Variants in TUBGCP4 observed in about 807,000 individuals in gnomAD.
TUBGCP4 encodes gamma-tubulin complex component 4.
In TUBGCP4, 54 loss-of-function variants were observed where a neutral mutation model predicts 91.6. The ratio of observed to expected loss-of-function variants is 0.59; its 90% CI spans 0.47 to 0.74. TUBGCP4 has a LOEUF of 0.74. TUBGCP4 is among the 30% of genes least tolerant of loss of function. The probability of loss-of-function intolerance (pLI) is 0.00; values close to 1 mark genes in which losing one functional copy is unlikely to be tolerated. For missense variants in TUBGCP4, 593 were observed against 800.9 expected (o/e 0.74, Z 3.13); for synonymous variants, 297 against 302.8 (o/e 0.98, Z 0.20).
In TUBGCP4 at chr15:43,371,384, C is replaced by T. The variant is rs1206945663; in HGVS notation, c.30C>T (p.Ser10=). The change falls in exon 1 of 18, where the codon AGC becomes AGT. Residue 10 remains serine (S), a synonymous_variant. Transcript: ENST00000564079. ...TCCACGAACTGCTCTTGGCTCTGAG[C>T]GGGTACCCTGGGTCCATTTTCACCT... MIHELLLAL[S]GYPGSIFTWN... is the part of the protein sequence containing the mutation. 5.0e-6 allele frequency: 8 copies of T among 1,613,948 alleles called. No homozygotes were observed. Among genetic ancestry groups the T allele is most frequent in the African/African-American group, 1.3e-5 (1 of 74,914 alleles).
chr15:43,374,388 C>T (rs1416233072), intron 1 of TUBGCP4, among the ~76,000 whole-genome samples: 1 of 152,040 alleles, frequency 6.6e-6, no homozygotes, highest in Non-Finnish European at 1.5e-5. Context: ...GCTGGAGGAT[C>T]AGTTAATGCC....
intron 1 of TUBGCP4, 101 bp downstream of exon 1, chr15:43,371,533 C>T: frequency 8.1e-7 from 1 of 1,231,262 alleles, no homozygotes; most frequent in South Asian, 1.3e-5. Context: ...GCGGGGCTTC[C>T]AGGGCTGGGG....
rs759369582 is a variant in TUBGCP4, at chr15:43,403,713, C to G, written c.1762C>G (p.Leu588Val). The G allele has an allele frequency of 2.0e-5, 33 of 1,613,176 alleles. No individual in the cohort carries two copies. The South Asian group carries it at 3.4e-4, about 17-fold the overall frequency. Residue 588 changes from leucine to valine, a missense_variant, in exon 16 of 18, where the codon CTC becomes GTC. By Grantham distance (32) the Leu-to-Val change is conservative. Transcript: ENST00000564079. ...VFHCLNEILD[L>V]CHSFCSLVSQ... ...TCACTGCCTGAATGAAATCCTAGAT[C>G]TCTGTCACAGTTTTTGTTCGCTGGT...
Position 43,371,395 on chromosome 15 carries a change from G to C in TUBGCP4, c.41G>C (p.Gly14Ala), listed in dbSNP as rs1255263492. ...CTCTTGGCTCTGAGCGGGTACCCTGGGTCCATTTTCACCTGGAACAAGCGG... is the reference window on the plus strand; with the variant it reads ...CTCTTGGCTCTGAGCGGGTACCCTGCGTCCATTTTCACCTGGAACAAGCGG... The part of the protein sequence containing the change: ...ELLLALSGYP[G>A]SIFTWNKRSG... The change falls in exon 1 of 18, where the codon GGG (glycine) becomes GCG (alanine). Residue 14 changes from glycine to alanine, a missense_variant. Physicochemically the swap from Gly to Ala is moderately conservative, Grantham distance 60 (BLOSUM62 0). Transcript: ENST00000564079. 1.2e-6 allele frequency: 2 copies of C among 1,614,112 alleles called. No individual in the cohort carries two copies. Among genetic ancestry groups the C allele is most frequent in the Non-Finnish European group, 1.7e-6 (2 of 1,179,998 alleles).
At chr15:43,405,040 G>T in intron 17 of TUBGCP4, 162 bp from the exon 18 acceptor site, 1 of 744,860 alleles carries the variant, frequency 1.3e-6, no homozygotes, top group Non-Finnish European at 2.2e-6. Context: ...TAAAATGTCT[G>T]CAAGCAGATT....
Position 43,371,176 on chromosome 15 carries a change from C to T in TUBGCP4, c.-179C>T, listed in dbSNP as rs544809743. On this transcript the variant is annotated 5_prime_UTR_variant, in exon 1 of 18. Transcript: ENST00000564079. Reference sequence around the variant, plus strand: ...CGAACTTCCGGGACTCCCCCGCGACCCCTTCCCAGCTTCCCGTCCGCTCCG... The same window carrying T: ...CGAACTTCCGGGACTCCCCCGCGACTCCTTCCCAGCTTCCCGTCCGCTCCG... 8 of 652,202 alleles carry T rather than the reference C, an allele frequency of 1.2e-5. No homozygotes were observed. The highest frequency in any genetic ancestry group is 2.1e-5 in the Non-Finnish European group (8 of 373,192). 40.4% of individuals were successfully genotyped at this position (652,202 alleles called of 1,614,324 possible).
At chr15:43,386,403 TAGGCAAAATTGGACTAG>T (rs2044372666) in intron 9 of TUBGCP4, 73 bp downstream of exon 9, 1 of 149,844 alleles carries the variant, frequency 6.7e-6, no homozygotes, top group African/African-American at 2.9e-5. Context: ...TTTTTTTTCT[TAGGCAAAATTGGACTAG>T]TTTCCTAGAA....
At chr15:43,400,593 TCTCA>T (rs2044659116) in intron 14 of TUBGCP4, among the ~76,000 whole-genome samples, 1 of 151,990 alleles carries the variant, frequency 6.6e-6, no homozygotes, top group South Asian at 2.1e-4. Context: ...AGAGATGGAT[TCTCA>T]CTTTGTTGCC....
At chr15:43,374,855 T>G (rs1458228235) in intron 1 of TUBGCP4, among the ~76,000 whole-genome samples, 2 of 152,232 alleles carry the variant, frequency 1.3e-5, no homozygotes, top group Non-Finnish European at 2.9e-5. Context: ...TTCTGGCATG[T>G]GCTACAACAT....
chr15:43,380,218 G>C, intron 6 of TUBGCP4, 55 bp downstream of exon 6: 1 of 1,438,274 alleles, frequency 7.0e-7, no homozygotes, highest in Non-Finnish European at 9.8e-7. Context: ...CAAATTATTT[G>C]ACTTCTCACA....
chr15:43,379,963 G>A, intron 5 of TUBGCP4, 121 bp from the exon 6 acceptor site: 1 of 927,212 alleles, frequency 1.1e-6, no homozygotes, highest in South Asian at 1.4e-5. Flanking sequence ...GTAAATCTTA[G>A]GAGAAAGTTT....
rs748110725 is a variant in TUBGCP4 at position 43,405,185 on chromosome 15, C to G, written c.1989-17C>G. ...GGAAAGCATGACACTTAATAAGGCT[C>G]TTTTTCTCTTTTGTAGTTTCGGGAT... is the stretch of plus-strand genomic sequence containing the variant. On this transcript the variant is annotated splice_polypyrimidine_tract_variant and intron_variant, in intron 17 of 17. Coordinates refer to ENST00000564079, the MANE Select transcript of TUBGCP4 (RefSeq NM_014444.5). 5 of 1,613,924 alleles carry G rather than the reference C, an allele frequency of 3.1e-6. No individual in the cohort carries two copies. Among genetic ancestry groups the G allele is most frequent in the Non-Finnish European group, 4.2e-6 (5 of 1,179,964 alleles).
chr15:43,386,891 C>T (rs1276575675), intron 9 of TUBGCP4, among the ~76,000 whole-genome samples: 2 of 152,096 alleles, frequency 1.3e-5, no homozygotes. Flanking sequence ...GCAGAACTGC[C>T]TTCCCATTTT....
intron 15 of TUBGCP4, chr15:43,403,281 A>C (rs1026410984): frequency 6.2e-6 from 1 of 160,998 alleles, no homozygotes; most frequent in Non-Finnish European, 1.4e-5. Context: ...ACGAGGGTTC[A>C]CTAAAGGCTA....
intron 9 of TUBGCP4, among the ~76,000 whole-genome samples, chr15:43,392,075 T>TACACAC (rs3986231): frequency 0.018 from 2,445 of 133,140 alleles, 28 homozygotes; most frequent in African/African-American, 0.039. Context: ...AAAATAGAGA[T>TACACAC]ACACACACAC....
intron 15 of TUBGCP4, 93 bp from the exon 16 acceptor site, chr15:43,403,590 A>T: frequency 1.1e-6 from 1 of 922,100 alleles, no homozygotes; most frequent in Non-Finnish European, 1.7e-6. Context: ...GCTATTAATT[A>T]GATCAGCTAT....
chr15:43,401,928 C>T (rs977436455), intron 15 of TUBGCP4, 78 bp downstream of exon 15: 27 of 1,526,652 alleles, frequency 1.8e-5, no homozygotes, highest in African/African-American at 5.6e-5. Context: ...TGACAGGATA[C>T]GAAACCATCA....
At chr15:43,404,858 C>T in intron 17 of TUBGCP4, 1 of 481,190 alleles carries the variant, frequency 2.1e-6, no homozygotes, top group South Asian at 2.8e-5. Context: ...ACTAGCTGTG[C>T]AGCCGTGGGC....
At chr15:43,395,730 T>C (rs781751697) in intron 11 of TUBGCP4, 42 bp downstream of exon 11, 37 of 1,526,314 alleles carry the variant, frequency 2.4e-5, no homozygotes, top group Non-Finnish European at 3.3e-5. Flanking sequence ...TGATTGACAT[T>C]GCAGGGTATT....
Sources: gnomAD v4.1 joint callset for allele counts (sites outside exome capture counted in the v4.1 genomes callset) on GRCh38, gnomAD v4.1.1 for gene constraint, MANE v1.5 for transcripts, NCBI Gene and HGNC (gene_info 2026-07-23, HGNC 2026-07-21) for gene names.